The following AHCTF1 variants were observed in gnomAD, a reference collection of about 807,000 sequenced individuals.
The protein encoded by AHCTF1 is AT-hook containing transcription factor 1, also known as protein ELYS.
In AHCTF1, 24 loss-of-function variants were observed where a neutral mutation model predicts 248.4. The ratio of observed to expected loss-of-function variants is 0.10; its 90% confidence interval spans 0.07 to 0.14. The LOEUF is 0.14. Among genes scored for constraint, AHCTF1 ranks in the 10% least tolerant of loss-of-function variants. The pLI, the probability that AHCTF1 is intolerant of heterozygous loss-of-function variation, is 1.00. For synonymous variants in AHCTF1, 786 were observed against 929.8 expected (o/e 0.85, Z 2.81); for missense variants, 2,206 against 2,636.2 (o/e 0.84, Z 3.57).
At position 246,849,013 on chromosome 1, in the gene AHCTF1, CTGTT is replaced by C. The variant is rs1000805732; in HGVS notation, c.6391+598_6391+601del. On this transcript the variant is annotated intron_variant, in intron 33 of 35. Transcript: ENST00000648844. ...TTATTACTGCAGATATATTGTATAT[CTGTT>C]TGTATTCTTAATGCATATATGTGCT... is the stretch of plus-strand genomic sequence containing the variant. 7.9e-5 allele frequency among the ~76,000 whole-genome samples: 12 copies of C among 152,272 alleles called. No individual in the cohort carries two copies. In the South Asian group the frequency reaches 8.3e-4, roughly 11 times the overall value.
chr1:246,892,301 C>CTTTTTTTTTTTTTTTTTTTTT (rs74163502), intron 14 of AHCTF1, among the ~76,000 whole-genome samples: 1 of 64,974 alleles, frequency 1.5e-5, no homozygotes, highest in African/African-American at 6.3e-5. Context: ...ATTTGTTTTA[C>CTTTTTTTTTTTTTTTTTTTTT]TTTTTTTTTT....
chr1:246,850,303 T>G lies in AHCTF1; in HGVS notation c.5703A>C (p.Arg1901Ser). ...LKVSTVTSPS[R>S]MIRKLRSTNL... ...TAGTACTTCTCAATTTTCTGATCAT[T>G]CTGCTAGGACTTGTTACCGTACTAA... is the stretch of plus-strand genomic sequence containing the variant. The change falls in exon 33 of 36, where the codon AGA becomes AGC. Residue 1901 changes from arginine (R) to serine (S), a missense_variant. Coordinates refer to ENST00000648844, the MANE Select transcript of AHCTF1 (RefSeq NM_001323342.2). 2 of 1,613,974 alleles carry G rather than the reference T, an allele frequency of 1.2e-6. No homozygotes were observed. Among genetic ancestry groups the G allele is most frequent in the Non-Finnish European group, 1.7e-6 (2 of 1,179,862 alleles).
At chr1:246,904,246 C>T (rs138430276) in intron 6 of AHCTF1, among the ~76,000 whole-genome samples, 7 of 152,268 alleles carry the variant, frequency 4.6e-5, no homozygotes, top group South Asian at 2.1e-4. Flanking sequence ...TAAATCGATG[C>T]TGTTTGCATA....
chr1:246,898,110 C>G, intron 12 of AHCTF1, 98 bp downstream of exon 12: 1 of 1,528,586 alleles, frequency 6.5e-7, no homozygotes, highest in African/African-American at 1.4e-5. Flanking sequence ...CACTACTTCA[C>G]CTATTTTTGC....
At position 246,877,142 on chromosome 1, in the gene AHCTF1, A is replaced by C. The variant is rs372609681; in HGVS notation, c.2805+16T>G. On this transcript the variant is annotated intron_variant, in intron 22 of 35. Transcript: ENST00000648844. The stretch of plus-strand genomic sequence containing the variant: ...TATCTTGAATTTCTGACAAGTTTAC[A>C]TCGGTAAGTAATTACCTGCTCAGTG... The C allele has an allele frequency of 6.2e-7, 1 of 1,612,648 alleles. No homozygotes were observed. The highest frequency in any genetic ancestry group is 1.7e-5 in the Admixed American group (1 of 59,956).
chr1:246,906,412 T>TAA (rs112484454), intron 5 of AHCTF1, among the ~76,000 whole-genome samples: 5 of 144,566 alleles, frequency 3.5e-5, no homozygotes, highest in South Asian at 4.4e-4. Flanking sequence ...AATCCGTCTC[T>TAA]AAAAAAAAAA....
At position 246,885,471 on chromosome 1, in the gene AHCTF1, T is replaced by C. The variant is rs759902833; in HGVS notation, c.2660+22A>G. ...ATTAACAGATACGATAAAGACTTTA[T>C]AGTTTCAAAAGATGTACTTACCTAT... On this transcript the variant is annotated intron_variant, in intron 21 of 35. Coordinates refer to ENST00000648844, the MANE Select transcript of AHCTF1 (RefSeq NM_001323342.2). 2.1e-5 allele frequency: 33 copies of C among 1,560,056 alleles called. 1 individual carries two copies. The highest frequency in any genetic ancestry group is 4.1e-5 in the African/African-American group (3 of 73,172).
At chr1:246,863,822 T>C in intron 27 of AHCTF1, 102 bp downstream of exon 27, 3 of 1,165,572 alleles carry the variant, frequency 2.6e-6, no homozygotes, top group Non-Finnish European at 2.5e-6. Context: ...TTCCCAGCAC[T>C]CCCCAAGCGT....
chr1:246,910,249 CAGAG>C (rs1171714954), intron 4 of AHCTF1, among the ~76,000 whole-genome samples: 1 of 152,088 alleles, frequency 6.6e-6, no homozygotes, highest in Non-Finnish European at 1.5e-5. Context: ...AAAATAAAAA[CAGAG>C]AGGACAGAAA....
Position 246,876,992 on chromosome 1 carries a change from C to A in AHCTF1, c.2895G>T (p.Val965=), listed in dbSNP as rs959151963. Residue 965 remains valine (V), a synonymous_variant, in exon 23 of 36, where the codon GTG becomes GTT. Coordinates refer to ENST00000648844, the MANE Select transcript of AHCTF1 (RefSeq NM_001323342.2). The part of the protein sequence containing the change: ...LVHHLQRANY[V]PALKLNQTLK... ...GAGTTTGGTTCAGCTTCAAGGCAGG[C>A]ACATAATTGGCACGCTGCAAATGGT... 1.6e-5 allele frequency: 25 copies of A among 1,611,912 alleles called. No homozygotes were observed. Among genetic ancestry groups the A allele is most frequent in the Non-Finnish European group, 2.0e-5 (24 of 1,179,926 alleles).
Position 246,851,022 on chromosome 1 carries a change from C to T in AHCTF1, c.4984G>A (p.Glu1662Lys). 6.2e-7 allele frequency: 1 copy of T among 1,613,922 alleles called. No individual in the cohort carries two copies. The highest frequency in any genetic ancestry group is 8.5e-7 in the Non-Finnish European group (1 of 1,179,862). ...TCTGCAATTGCTACTTTAATAGGTT[C>T]AGGCACATATGGTAAAGTGTCTACT... Reference protein sequence around the residue: ...QKVDTLPYVPEPIKVAIAENL... With the variant: ...QKVDTLPYVPKPIKVAIAENL... Residue 1662 changes from glutamate (E) to lysine (K), a missense_variant, in exon 33 of 36, where the codon GAA becomes AAA. Glu to Lys is a moderately conservative substitution (Grantham distance 56). This residue lies in a region of AHCTF1 where 955 missense variants were observed against 1,055.6 expected (regional missense o/e 0.90). Transcript: ENST00000648844.
At chr1:246,884,569 A>G (rs1663680596) in intron 21 of AHCTF1, among the ~76,000 whole-genome samples, 1 of 152,232 alleles carries the variant, frequency 6.6e-6, no homozygotes, top group South Asian at 2.1e-4. Context: ...TTCAGCTCCA[A>G]GCAATTTCTC....
chr1:246,915,994 A>G (rs1010122497), intron 3 of AHCTF1, 148 bp downstream of exon 3: 2 of 926,990 alleles, frequency 2.2e-6, no homozygotes, highest in Non-Finnish European at 3.1e-6. Flanking sequence ...TATTCTAAAC[A>G]CTTTACCTAA....
At chr1:246,921,486 A>G (rs1367727711) in intron 1 of AHCTF1, among the ~76,000 whole-genome samples, 1 of 152,182 alleles carries the variant, frequency 6.6e-6, no homozygotes, top group East Asian at 1.9e-4. Flanking sequence ...AGCCCCCAAA[A>G]TTTATTCAGA....
Position 246,872,068 on chromosome 1 carries a change from AAAG to A in AHCTF1, c.3088+3966_3088+3968del, listed in dbSNP as rs1438286473. On this transcript the variant is annotated intron_variant, in intron 24 of 35. Coordinates refer to ENST00000648844, the MANE Select transcript of AHCTF1 (RefSeq NM_001323342.2). ...ATTAATGACAAAAAAAAAAAAAAAA[AAAG>A]AACCTAGATTCCCAAAAACCTAGGG... 7.4e-3 allele frequency among the ~76,000 whole-genome samples: 1,113 copies of A among 151,156 alleles called. 19 individuals carry two copies. The highest frequency in any genetic ancestry group is 0.025 in the African/African-American group (1,014 of 41,112).
intron 4 of AHCTF1, among the ~76,000 whole-genome samples, chr1:246,908,821 C>T (rs1223676770): frequency 6.6e-6 from 1 of 150,892 alleles, no homozygotes; most frequent in Non-Finnish European, 1.5e-5. Context: ...TGGTGTGAAT[C>T]CGGGAGGCAG....
intron 26 of AHCTF1, chr1:246,864,389 T>A (rs1661802841): frequency 3.4e-6 from 1 of 293,826 alleles, no homozygotes; most frequent in Non-Finnish European, 6.2e-6. Flanking sequence ...GAGCTCTTAC[T>A]ATGTGCCTGG....
intron 29 of AHCTF1, among the ~76,000 whole-genome samples, chr1:246,859,449 T>C (rs1410695098): frequency 6.6e-6 from 1 of 152,258 alleles, no homozygotes; most frequent in Non-Finnish European, 1.5e-5. Flanking sequence ...CTGTGTGACA[T>C]GGGAGCAGGT....
intron 24 of AHCTF1, among the ~76,000 whole-genome samples, chr1:246,873,543 C>T (rs1393378451): frequency 2.0e-5 from 3 of 151,966 alleles, no homozygotes; most frequent in Admixed American, 2.0e-4. Flanking sequence ...GGAAAGAATC[C>T]GTCCCAATAA....
Sources: gnomAD v4.1 joint callset for allele counts (sites outside exome capture counted in the v4.1 genomes callset) on GRCh38, gnomAD v4.1.1 for gene constraint, gnomAD v4.1.1 regional missense constraint, MANE v1.5 for transcripts, NCBI Gene and HGNC (gene_info 2026-07-23, HGNC 2026-07-21) for gene names.